The following GUCY1A2 variants were observed in gnomAD, a reference collection of about 807,000 sequenced individuals.
GUCY1A2 encodes guanylate cyclase soluble subunit alpha-2.
Under a neutral mutation model 63.5 loss-of-function variants are expected in GUCY1A2, and 27 were observed. The observed-to-expected ratio is 0.43, with a 90% CI of 0.31 to 0.59. The LOEUF is 0.59. GUCY1A2 is among the 20% of genes least tolerant of loss of function. The probability of loss-of-function intolerance (pLI) is 0.11; values close to 1 mark genes in which losing one functional copy is unlikely to be tolerated. For missense variants in GUCY1A2, 768 were observed against 913.3 expected, an observed-to-expected ratio of 0.84 and a Z score of 2.05; for synonymous variants, 364 against 343.5, an observed-to-expected ratio of 1.06 and a Z score of -0.66.
intron 3 of GUCY1A2, among the ~76,000 whole-genome samples, chr11:106,951,835 G>A (rs545492606): frequency 2.0e-5 from 3 of 152,144 alleles, no homozygotes; most frequent in Non-Finnish European, 4.4e-5. Flanking sequence ...GAATGGTATT[G>A]CCTAGGTTTT....
intron 4 of GUCY1A2, among the ~76,000 whole-genome samples, chr11:106,900,343 C>G (rs1005370346): frequency 6.6e-6 from 1 of 152,080 alleles, no homozygotes; most frequent in Admixed American, 6.6e-5. Flanking sequence ...GCCCCCACAC[C>G]CAGCTAATTT....
chr11:106,736,679 A>G (rs2135375676), intron 6 of GUCY1A2, among the ~76,000 whole-genome samples: 1 of 152,258 alleles, frequency 6.6e-6, no homozygotes, highest in South Asian at 2.1e-4. Context: ...TGTCATTAGT[A>G]TTTTGATAGT....
chr11:106,825,850 C>T (rs2200652), intron 4 of GUCY1A2, among the ~76,000 whole-genome samples: 60,887 of 152,020 alleles, frequency 0.4, 12,602 homozygotes, highest in Admixed American at 0.51. Context: ...GGGCTGCATT[C>T]GACCCGTGGG....
intron 4 of GUCY1A2, among the ~76,000 whole-genome samples, chr11:106,889,259 A>T (rs4754171): frequency 0.53 from 79,805 of 151,812 alleles, 21,457 homozygotes; most frequent in Non-Finnish European, 0.57. Flanking sequence ...GTATATTTTT[A>T]AAAAATGTTC....
At chr11:106,824,995 A>C in intron 4 of GUCY1A2, 1 of 1,601,902 alleles carries the variant, frequency 6.2e-7, no homozygotes. Flanking sequence ...AAGATGGTTT[A>C]TGCATGTATA....
At chr11:106,978,982 C>CA (rs1197157043) in intron 2 of GUCY1A2, among the ~76,000 whole-genome samples, 2 of 152,074 alleles carry the variant, frequency 1.3e-5, no homozygotes, top group South Asian at 2.1e-4. Flanking sequence ...TTGAAGAGAA[C>CA]AAAAAATATA....
chr11:106,922,566 GT>G (rs1860459889), intron 4 of GUCY1A2, among the ~76,000 whole-genome samples: 1 of 147,010 alleles, frequency 6.8e-6, no homozygotes, highest in Admixed American at 6.8e-5. Context: ...ATATATATAT[GT>G]TTTTAAAAAA....
At chr11:107,000,571 G>A (rs1401863209) in intron 1 of GUCY1A2, among the ~76,000 whole-genome samples, 4 of 152,138 alleles carry the variant, frequency 2.6e-5, no homozygotes, top group African/African-American at 9.7e-5. Flanking sequence ...TCTATTATGT[G>A]ATACTTTTAA....
chr11:106,713,324 T>C (rs563936633), intron 6 of GUCY1A2, among the ~76,000 whole-genome samples: 2 of 152,256 alleles, frequency 1.3e-5, no homozygotes, highest in Admixed American at 1.3e-4. Flanking sequence ...AAGTGAGACC[T>C]ACTTTTTAAA....
intron 4 of GUCY1A2, among the ~76,000 whole-genome samples, chr11:106,865,205 T>G (rs1859574378): frequency 6.6e-6 from 1 of 152,152 alleles, no homozygotes; most frequent in Non-Finnish European, 1.5e-5. Flanking sequence ...TAGTATTCTC[T>G]GATGGTAGTT....
chr11:106,874,787 A>T (rs1419249256), intron 4 of GUCY1A2, among the ~76,000 whole-genome samples: 1 of 152,096 alleles, frequency 6.6e-6, no homozygotes, highest in East Asian at 1.9e-4. Flanking sequence ...CTGGAAAAAA[A>T]TATTGTAATA....
chr11:106,875,060 T>G (rs1859731370), intron 4 of GUCY1A2, among the ~76,000 whole-genome samples: 1 of 152,172 alleles, frequency 6.6e-6, no homozygotes, highest in Non-Finnish European at 1.5e-5. Context: ...ATTCCATAAA[T>G]AGGAAAAATA....
chr11:107,015,144 T>C (rs533957958), intron 1 of GUCY1A2, among the ~76,000 whole-genome samples: 1 of 152,330 alleles, frequency 6.6e-6, no homozygotes, highest in African/African-American at 2.4e-5. Flanking sequence ...ATGATATGGT[T>C]AACCAAGGAG....
At chr11:106,953,946 T>C (rs1860947026) in intron 3 of GUCY1A2, among the ~76,000 whole-genome samples, 1 of 152,182 alleles carries the variant, frequency 6.6e-6, no homozygotes, top group Non-Finnish European at 1.5e-5. Flanking sequence ...ATCTATTTTG[T>C]TAATTTTTTC....
At chr11:106,929,561 C>A (rs1420180732) in intron 4 of GUCY1A2, among the ~76,000 whole-genome samples, 2 of 152,098 alleles carry the variant, frequency 1.3e-5, no homozygotes, top group Non-Finnish European at 2.9e-5. Flanking sequence ...TATGGATACT[C>A]TCCCTATTCC....
chr11:106,815,506 TATAATA>T (rs1341117703), intron 4 of GUCY1A2, among the ~76,000 whole-genome samples: 1 of 150,928 alleles, frequency 6.6e-6, no homozygotes, highest in Non-Finnish European at 1.5e-5. Context: ...AAACTTAAAG[TATAATA>T]ATAATAATAA....
intron 6 of GUCY1A2, among the ~76,000 whole-genome samples, chr11:106,761,872 A>T (rs1864072502): frequency 6.6e-6 from 1 of 152,174 alleles, no homozygotes; most frequent in South Asian, 2.1e-4. Context: ...AGAGAAAAAT[A>T]ACACAGAACA....
At chr11:106,791,480 TG>T (rs1864659299) in intron 5 of GUCY1A2, among the ~76,000 whole-genome samples, 1 of 1,524 alleles carries the variant, frequency 6.6e-4, no homozygotes, top group African/African-American at 1.5e-3. Context: ...GAGGTATTTG[TG>T]TGTGTGTGTG....
chr11:106,870,013 C>T (rs1438251709), intron 4 of GUCY1A2, among the ~76,000 whole-genome samples: 1 of 149,532 alleles, frequency 6.7e-6, no homozygotes, highest in Non-Finnish European at 1.5e-5. Flanking sequence ...AGGACAAATA[C>T]CAAACACCGC....
Sources: allele counts gnomAD v4.1 joint callset (sites outside exome capture counted in the v4.1 genomes callset), GRCh38; gene constraint gnomAD v4.1.1; transcripts MANE v1.5; gene names NCBI Gene and HGNC (gene_info 2026-07-23, HGNC 2026-07-21).